The following SCFD2 variants were observed in gnomAD, a reference collection of about 807,000 sequenced individuals.
SCFD2 encodes sec1 family domain containing 2, also known as sec1 family domain-containing protein 2.
SCFD2 carries 54 observed loss-of-function variants against 58.9 expected under a neutral mutation model. The observed-to-expected ratio is 0.92, with a 90% confidence interval of 0.74 to 1.15. The LOEUF is 1.15. Ranked by LOEUF, SCFD2 falls within the 50% of genes most tolerant of loss-of-function variation. SCFD2 has a pLI of 0.00. For synonymous variants in SCFD2, 321 were observed against 335.9 expected (o/e 0.96, Z 0.49); for missense variants, 805 against 836.6 (o/e 0.96, Z 0.47).
intron 4 of SCFD2, among the ~76,000 whole-genome samples, chr4:53,204,391 G>T (rs1728343993): frequency 6.6e-6 from 1 of 151,206 alleles, no homozygotes; most frequent in Non-Finnish European, 1.5e-5. Context: ...ACACTATTTA[G>T]AAAAATAATA....
chr4:53,344,962 A>G (rs1304055442), intron 2 of SCFD2, among the ~76,000 whole-genome samples: 1 of 152,232 alleles, frequency 6.6e-6, no homozygotes, highest in African/African-American at 2.4e-5. Flanking sequence ...GATGGATTAA[A>G]GACTTAAATA....
At chr4:53,226,782 C>T (rs1729230784) in intron 4 of SCFD2, among the ~76,000 whole-genome samples, 1 of 152,104 alleles carries the variant, frequency 6.6e-6, no homozygotes, top group African/African-American at 2.4e-5. Flanking sequence ...GATGAGGTAA[C>T]ACATATAGGT....
chr4:53,012,831 TGTGTG>T lies in SCFD2; in HGVS notation c.1562-91966_1562-91962del, dbSNP rs766825117. ...CCTCCTTTCTGTGTGTGTGTGTGTGTGTGTGTTTTTTTTTAAGAGAGAGAAAGCTA... is the reference window on the plus strand; with the variant it reads ...CCTCCTTTCTGTGTGTGTGTGTGTGTTTTTTTTTTAAGAGAGAGAAAGCTA... On this transcript the variant is annotated intron_variant, in intron 5 of 8. Coordinates refer to ENST00000401642, the MANE Select transcript of SCFD2 (RefSeq NM_152540.4). Among the ~76,000 whole-genome samples, 6 of 108,530 alleles carry T rather than the reference TGTGTG, an allele frequency of 5.5e-5. No individual in the cohort carries two copies. The South Asian group carries it at 1.1e-3, about 20-fold the overall frequency. The allele number at this position is 108,530 out of a possible 152,430, so 71.2% of individuals were successfully genotyped here.
chr4:53,134,225 T>C (rs1725873107), intron 5 of SCFD2, among the ~76,000 whole-genome samples: 1 of 152,168 alleles, frequency 6.6e-6, no homozygotes. Flanking sequence ...AAGTTTCAGG[T>C]ATGTAAGGTG....
At chr4:53,121,588 C>A (rs1460914842) in intron 5 of SCFD2, among the ~76,000 whole-genome samples, 3 of 152,190 alleles carry the variant, frequency 2.0e-5, no homozygotes, top group Non-Finnish European at 4.4e-5. Flanking sequence ...ATGGACAGTT[C>A]TTTCAGGTCC....
chr4:53,294,649 T>A (rs994364791), intron 3 of SCFD2, among the ~76,000 whole-genome samples: 1 of 152,250 alleles, frequency 6.6e-6, no homozygotes, highest in East Asian at 1.9e-4. Context: ...TCTAATTGGA[T>A]CCCATTTGTC....
intron 5 of SCFD2, among the ~76,000 whole-genome samples, chr4:53,002,738 G>A (rs1427910881): frequency 6.6e-6 from 1 of 152,148 alleles, no homozygotes; most frequent in African/African-American, 2.4e-5. Flanking sequence ...TCAGAGACCT[G>A]TTGTACCAGT....
chr4:53,278,242 C>T (rs1312592818), intron 3 of SCFD2, among the ~76,000 whole-genome samples: 2 of 151,580 alleles, frequency 1.3e-5, no homozygotes, highest in African/African-American at 4.9e-5. Flanking sequence ...TGGTGGGCAC[C>T]TGTAGTTCCA....
At chr4:52,973,986 C>T (rs1420810246) in intron 5 of SCFD2, among the ~76,000 whole-genome samples, 2 of 152,192 alleles carry the variant, frequency 1.3e-5, no homozygotes, top group Non-Finnish European at 2.9e-5. Context: ...ATGCTAAAAA[C>T]TCTCAATAAA....
intron 4 of SCFD2, among the ~76,000 whole-genome samples, chr4:53,254,445 A>G (rs973430795): frequency 1.4e-4 from 21 of 151,876 alleles, no homozygotes; most frequent in African/African-American, 4.3e-4. Flanking sequence ...CCTCCCCAGC[A>G]ATGTGGAACT....
At chr4:53,095,231 C>T (rs573713245) in intron 5 of SCFD2, among the ~76,000 whole-genome samples, 3 of 152,238 alleles carry the variant, frequency 2.0e-5, no homozygotes, top group East Asian at 3.9e-4. Flanking sequence ...GTGTTACATT[C>T]AGCATGCCCC....
At chr4:53,217,883 A>G (rs920182351) in intron 4 of SCFD2, among the ~76,000 whole-genome samples, 20 of 152,134 alleles carry the variant, frequency 1.3e-4, no homozygotes, top group Non-Finnish European at 2.9e-4. Context: ...AAAGGATTTT[A>G]TTTCTCCTTC....
At chr4:52,954,255 G>A (rs1279331624) in intron 5 of SCFD2, among the ~76,000 whole-genome samples, 5 of 152,322 alleles carry the variant, frequency 3.3e-5, no homozygotes, top group South Asian at 2.1e-4. Flanking sequence ...GTGGAGGACC[G>A]GGCTTGATGG....
At chr4:53,204,537 CAAAA>C (rs1460455227) in intron 4 of SCFD2, among the ~76,000 whole-genome samples, 1 of 149,266 alleles carries the variant, frequency 6.7e-6, no homozygotes, top group Non-Finnish European at 1.5e-5. Context: ...AAAAAGAAGA[CAAAA>C]GAAATAACAA....
chr4:53,234,952 C>T (rs1577874210), intron 4 of SCFD2, among the ~76,000 whole-genome samples: 1 of 152,236 alleles, frequency 6.6e-6, no homozygotes, highest in African/African-American at 2.4e-5. Context: ...GGTGTTTCCA[C>T]CATCATGAGA....
chr4:53,237,957 G>T (rs1488245268), intron 4 of SCFD2, among the ~76,000 whole-genome samples: 2 of 112,432 alleles, frequency 1.8e-5, no homozygotes, highest in East Asian at 6.2e-4. Flanking sequence ...GCGAGGGGCT[G>T]ACCCCCCCAC....
intron 4 of SCFD2, among the ~76,000 whole-genome samples, chr4:53,171,323 T>C (rs528392053): frequency 6.6e-6 from 1 of 152,368 alleles, no homozygotes; most frequent in South Asian, 2.1e-4. Flanking sequence ...ATTTTTCGAT[T>C]TGCATATATT....
chr4:53,253,155 C>T (rs955290936), intron 4 of SCFD2, among the ~76,000 whole-genome samples: 5 of 152,168 alleles, frequency 3.3e-5, no homozygotes, highest in Non-Finnish European at 5.9e-5. Context: ...TCATCACTGG[C>T]CATCAGAGAA....
chr4:53,297,548 C>T (rs1448257346), intron 3 of SCFD2, among the ~76,000 whole-genome samples: 6 of 151,902 alleles, frequency 3.9e-5, no homozygotes, highest in Non-Finnish European at 8.8e-5. Context: ...CTATGTGTGT[C>T]CTTGCATGTG....
Sources: allele counts gnomAD v4.1 joint callset (sites outside exome capture counted in the v4.1 genomes callset), GRCh38; gene constraint gnomAD v4.1.1; transcripts MANE v1.5; gene names NCBI Gene and HGNC (gene_info 2026-07-23, HGNC 2026-07-21).